Variants in ZFYVE28 observed in about 807,000 individuals in gnomAD.
ZFYVE28 encodes zinc finger FYVE-type containing 28.
ZFYVE28 carries 40 observed loss-of-function variants against 82.1 expected under a neutral mutation model. That is an observed-to-expected ratio of 0.49 (90% CI 0.38 to 0.63). The LOEUF (loss-of-function observed/expected upper bound fraction) is 0.63. Ranked by LOEUF, ZFYVE28 falls within the 30% of genes least tolerant of loss-of-function variation. The pLI is 0.00. For missense variants in ZFYVE28, 1,321 were observed against 1,242.1 expected, an observed-to-expected ratio of 1.06 and a Z score of -0.96; for synonymous variants, 612 against 546.1, an observed-to-expected ratio of 1.12 and a Z score of -1.68.
intron 1 of ZFYVE28, among the ~76,000 whole-genome samples, chr4:2,395,172 C>G (rs1730298400): frequency 6.6e-6 from 1 of 152,022 alleles, no homozygotes; most frequent in Non-Finnish European, 1.5e-5. Flanking sequence ...CAGTCGTACC[C>G]TACTGGGGCC....
At chr4:2,319,815 G>A (rs1718786952) in intron 7 of ZFYVE28, among the ~76,000 whole-genome samples, 1 of 148,382 alleles carries the variant, frequency 6.7e-6, no homozygotes, top group Admixed American at 6.6e-5. Flanking sequence ...GGGACGGTGG[G>A]GATGGTGGGG....
At chr4:2,279,772 T>G (rs1341818438) in intron 8 of ZFYVE28, among the ~76,000 whole-genome samples, 1 of 145,704 alleles carries the variant, frequency 6.9e-6, no homozygotes, top group Non-Finnish European at 1.5e-5. Context: ...AGAGTGAGAC[T>G]CCTTCAAAAA....
intron 8 of ZFYVE28, chr4:2,295,926 G>A (rs1577947001): frequency 6.6e-6 from 1 of 152,566 alleles, no homozygotes; most frequent in Non-Finnish European, 1.5e-5. Flanking sequence ...CCCTTGAGTG[G>A]ATGGTGATGG....
intron 7 of ZFYVE28, among the ~76,000 whole-genome samples, chr4:2,306,381 C>A (rs1294717951): frequency 6.6e-6 from 1 of 152,222 alleles, no homozygotes; most frequent in Non-Finnish European, 1.5e-5. Flanking sequence ...CTGAATCCAC[C>A]CATGTGAATA....
Position 2,341,300 on chromosome 4 carries a change from C to T in ZFYVE28, c.318+178G>A, listed in dbSNP as rs1316715343. The T allele has an allele frequency of 3.8e-6, 3 of 781,368 alleles. No homozygotes were observed. The highest frequency in any genetic ancestry group is 1.7e-5 in the African/African-American group (1 of 57,230). 48.4% of individuals were successfully genotyped at this position (781,368 alleles called of 1,614,324 possible). On this transcript the variant is annotated intron_variant, in intron 3 of 12. Transcript: ENST00000290974. The surrounding 1 kb of genome is among the most constrained non-coding windows in gnomAD (Gnocchi z 4.5). Reference sequence around the variant, plus strand: ...GCACCAGTTCATGGCTTTCCCAGATCCTCCAGGGGTGCACGGCCTACCAGG... The same window carrying T: ...GCACCAGTTCATGGCTTTCCCAGATTCTCCAGGGGTGCACGGCCTACCAGG...
intron 1 of ZFYVE28, among the ~76,000 whole-genome samples, chr4:2,384,933 G>A (rs1729097159): frequency 6.6e-6 from 1 of 152,034 alleles, no homozygotes; most frequent in South Asian, 2.1e-4. Context: ...GGGAGTGTAG[G>A]GCAATCATCT....
In ZFYVE28 at chr4:2,372,348, C is replaced by T. The variant is rs1281548527; in HGVS notation, c.40-18275G>A. ...TCTTCACAGCCCTACGCTGCCTCCC[C>T]AGCCCTTCCATCGCCGCCTCCTGCC... is the stretch of plus-strand genomic sequence containing the variant. On this transcript the variant is annotated intron_variant, in intron 1 of 12. Transcript: ENST00000290974. This position sits in a 1 kb window ranked among gnomAD's most constrained non-coding sequence, Gnocchi z 5.2. Among the ~76,000 whole-genome samples, 1 of 152,118 alleles carries T rather than the reference C, an allele frequency of 6.6e-6. No homozygotes were observed. Among genetic ancestry groups the T allele is most frequent in the Non-Finnish European group, 1.5e-5 (1 of 67,992 alleles).
chr4:2,306,356 C>T (rs1716568470), intron 7 of ZFYVE28, among the ~76,000 whole-genome samples: 2 of 152,236 alleles, frequency 1.3e-5, no homozygotes, highest in African/African-American at 4.8e-5. Flanking sequence ...CAGAGCTGGG[C>T]AGAACTTTCA....
Position 2,418,072 on chromosome 4 carries a change from C to T in ZFYVE28, c.39+213G>A, listed in dbSNP as rs1408390782. Among the ~76,000 whole-genome samples the T allele has an allele frequency of 6.6e-6, 1 of 151,868 alleles. No individual in the cohort carries two copies. Among genetic ancestry groups the T allele is most frequent in the African/African-American group, 2.4e-5 (1 of 41,342 alleles). On this transcript the variant is annotated intron_variant, in intron 1 of 12. Coordinates refer to ENST00000290974, the MANE Select transcript of ZFYVE28 (RefSeq NM_020972.3). The surrounding 1 kb of genome is among the most constrained non-coding windows in gnomAD (Gnocchi z 4.6). ...CAGGAGGGTCAGTCCTGGACCCGGG[C>T]TTAGGAAGCCGGGAGGGAGGTTCGG...
chr4:2,296,399 C>T (rs1009292827), intron 8 of ZFYVE28, among the ~76,000 whole-genome samples: 1 of 152,238 alleles, frequency 6.6e-6, no homozygotes, highest in Admixed American at 6.5e-5. Flanking sequence ...CAGCCCTGGT[C>T]TTATCCCCGA....
At position 2,271,392 on chromosome 4, in the gene ZFYVE28, G is replaced by A. The variant is rs146945400; in HGVS notation, c.2451C>T (p.Asp817=). The change falls in exon 12 of 13, where the codon GAC becomes GAT. Residue 817 remains aspartate (D), a synonymous_variant. Transcript: ENST00000290974. ...ACGCCGTGCAGAAGCCACAGGCCTC[G>A]TCTGGCACCCACTCCGGGGGGTCTG... The part of the protein sequence containing the change: ...DFEDPPEWVP[D]EACGFCTACK... 24 of 1,612,762 alleles carry A rather than the reference G, an allele frequency of 1.5e-5. No individual in the cohort carries two copies. The highest frequency in any genetic ancestry group is 1.6e-4 in the Middle Eastern group (1 of 6,084).
rs974559647 is a variant in ZFYVE28 at position 2,321,252 on chromosome 4, G to A, written c.702-981C>T. On this transcript the variant is annotated intron_variant, in intron 6 of 12. Transcript: ENST00000290974. Reference sequence around the variant, plus strand: ...CACCGGCCTGTCTCTTTCAGCAGACGTGACACCAGGGTTAGGTCCAGCCAA... The same window carrying A: ...CACCGGCCTGTCTCTTTCAGCAGACATGACACCAGGGTTAGGTCCAGCCAA... 3.3e-5 allele frequency among the ~76,000 whole-genome samples: 5 copies of A among 152,172 alleles called. No homozygotes were observed. In the East Asian group the frequency reaches 5.8e-4, roughly 18 times the overall value.
At chr4:2,330,302 A>G (rs919704572) in intron 6 of ZFYVE28, 1 of 989,194 alleles carries the variant, frequency 1.0e-6, no homozygotes, top group East Asian at 1.1e-4. Context: ...TAAATAACAG[A>G]GTAAGTCACG....
Position 2,304,682 on chromosome 4 carries a change from C to T in ZFYVE28, c.1658G>A (p.Ser553Asn). ...EGMDGGPHKL[S>N]TGATNCLLHS... ...CAGAAGGCAGTTGGTGGCCCCAGTG[C>T]TAAGCTTGTGGGGGCCGCCATCCAT... The change falls in exon 8 of 13, where the codon AGC (serine) becomes AAC (asparagine). Residue 553 changes from serine (S) to asparagine (N), a missense_variant. Ser to Asn is a conservative substitution (Grantham distance 46). This residue lies in a region of ZFYVE28 where 978 missense variants were observed against 833.7 expected (regional missense o/e 1.17). Transcript: ENST00000290974. The T allele has an allele frequency of 6.2e-7, 1 of 1,612,632 alleles. No individual in the cohort carries two copies. The highest frequency in any genetic ancestry group is 8.5e-7 in the Non-Finnish European group (1 of 1,179,884).
At chr4:2,387,206 C>G (rs1162443823) in intron 1 of ZFYVE28, among the ~76,000 whole-genome samples, 1 of 152,100 alleles carries the variant, frequency 6.6e-6, no homozygotes, top group Non-Finnish European at 1.5e-5. Flanking sequence ...AGGCTCCTGG[C>G]AGTCCACTGG....
intron 1 of ZFYVE28, among the ~76,000 whole-genome samples, chr4:2,356,314 C>T (rs1164700964): frequency 1.3e-5 from 2 of 152,226 alleles, no homozygotes; most frequent in Non-Finnish European, 2.9e-5. Flanking sequence ...CACCCACTCG[C>T]TCTCCGGCAG....
chr4:2,407,692 GT>G (rs1451793764), intron 1 of ZFYVE28, among the ~76,000 whole-genome samples: 6 of 152,156 alleles, frequency 3.9e-5, no homozygotes, highest in Non-Finnish European at 5.9e-5. Flanking sequence ...CCAGATTCAA[GT>G]GATTCTCCTG....
At chr4:2,355,233 T>TG (rs1725090491) in intron 1 of ZFYVE28, among the ~76,000 whole-genome samples, 2 of 19,868 alleles carry the variant, frequency 1.0e-4, no homozygotes, top group African/African-American at 2.2e-4. Context: ...TATATATATA[T>TG]ATATATATAT....
At chr4:2,310,639 AC>A (rs1717345850) in intron 7 of ZFYVE28, among the ~76,000 whole-genome samples, 1 of 152,134 alleles carries the variant, frequency 6.6e-6, no homozygotes, top group African/African-American at 2.4e-5. Context: ...CCCTGTCTCT[AC>A]AAAAAATACA....
Sources: gnomAD v4.1 joint callset for allele counts (sites outside exome capture counted in the v4.1 genomes callset) on GRCh38, gnomAD v4.1.1 for gene constraint, gnomAD v4.1.1 regional missense constraint, Gnocchi (gnomAD v3.1) non-coding constraint, MANE v1.5 for transcripts, NCBI Gene and HGNC (gene_info 2026-07-23, HGNC 2026-07-21) for gene names.